The following PLPPR4 variants were observed in gnomAD, a reference collection of about 807,000 sequenced individuals.
PLPPR4 encodes phospholipid phosphatase-related protein type 4.
PLPPR4 carries 24 observed loss-of-function variants against 56.6 expected under a neutral mutation model. That is an observed-to-expected ratio of 0.42 (90% CI 0.31 to 0.60). PLPPR4 has a LOEUF of 0.60. Ranked by LOEUF, PLPPR4 falls within the 20% of genes least tolerant of loss-of-function variation. The pLI is 0.13. For missense variants in PLPPR4, 654 were observed against 885.8 expected (o/e 0.74, Z 3.32); for synonymous variants, 326 against 328.1 (o/e 0.99, Z 0.07).
chr1:99,282,243 T>G (rs1456522780), intron 1 of PLPPR4, among the ~76,000 whole-genome samples: 1 of 152,158 alleles, frequency 6.6e-6, no homozygotes, highest in African/African-American at 2.4e-5. Context: ...CCTTTATTGT[T>G]TTATCTTCTT....
chr1:99,290,779 T>C (rs1557779261), intron 2 of PLPPR4, among the ~76,000 whole-genome samples: 1 of 151,986 alleles, frequency 6.6e-6, no homozygotes, highest in Non-Finnish European at 1.5e-5. Flanking sequence ...TTACACCATA[T>C]ACAAAAATCA....
At chr1:99,303,381 C>T (rs1659935832) in intron 6 of PLPPR4, among the ~76,000 whole-genome samples, 2 of 152,000 alleles carry the variant, frequency 1.3e-5, no homozygotes, top group Non-Finnish European at 2.9e-5. Context: ...TCAATTGAAT[C>T]AATAAGCAGT....
At chr1:99,273,783 A>G (rs1387855154) in intron 1 of PLPPR4, among the ~76,000 whole-genome samples, 1 of 152,156 alleles carries the variant, frequency 6.6e-6, no homozygotes, top group Non-Finnish European at 1.5e-5. Flanking sequence ...ACTGGATGTA[A>G]TAAAATAGGA....
intron 2 of PLPPR4, among the ~76,000 whole-genome samples, chr1:99,291,545 A>C (rs1243556549): frequency 2.0e-5 from 3 of 152,342 alleles, no homozygotes; most frequent in Admixed American, 2.0e-4. Flanking sequence ...TCAATTATAG[A>C]CTGGATAAAG....
chr1:99,292,929 C>T (rs1236272995), intron 2 of PLPPR4, among the ~76,000 whole-genome samples: 1 of 152,180 alleles, frequency 6.6e-6, no homozygotes, highest in South Asian at 2.1e-4. Flanking sequence ...CTTTCCCTCT[C>T]TCTTCCTGAA....
chr1:99,297,898 A>G (rs982106217), intron 3 of PLPPR4, among the ~76,000 whole-genome samples: 1 of 152,280 alleles, frequency 6.6e-6, no homozygotes, highest in East Asian at 1.9e-4. Flanking sequence ...GACTGGAAGG[A>G]TGATCCATTC....
intron 1 of PLPPR4, among the ~76,000 whole-genome samples, chr1:99,273,729 A>T (rs1659114212): frequency 1.3e-5 from 2 of 152,150 alleles, no homozygotes; most frequent in South Asian, 4.1e-4. Flanking sequence ...TGGAATCATC[A>T]CTGGCATACT....
chr1:99,290,130 C>G (rs988403691), intron 2 of PLPPR4, among the ~76,000 whole-genome samples: 2 of 152,060 alleles, frequency 1.3e-5, no homozygotes, highest in Non-Finnish European at 2.9e-5. Flanking sequence ...AAATCACTAG[C>G]AATCCTATAC....
Position 99,306,765 on chromosome 1 carries a change from G to A in PLPPR4, c.1903G>A (p.Gly635Arg). 6.2e-7 allele frequency: 1 copy of A among 1,614,034 alleles called. No individual in the cohort carries two copies. Among genetic ancestry groups the A allele is most frequent in the Non-Finnish European group, 8.5e-7 (1 of 1,179,976 alleles). The change falls in exon 7 of 7, where the codon GGA becomes AGA. Residue 635 changes from glycine (G) to arginine (R), a missense_variant. Transcript: ENST00000370185. This position sits in a 1 kb window ranked among gnomAD's most constrained non-coding sequence, Gnocchi z 4.0. Reference protein sequence around the residue: ...CESLKDSFGSGDRKRSNIDSN... With the variant: ...CESLKDSFGSRDRKRSNIDSN... ...GTCTCTGAAAGACAGCTTTGGTTCT[G>A]GAGATCGCAAGAGAAGCAACATTGA...
chr1:99,284,235 A>G (rs1400888568), intron 1 of PLPPR4, among the ~76,000 whole-genome samples: 1 of 152,236 alleles, frequency 6.6e-6, no homozygotes, highest in Admixed American at 6.5e-5. Context: ...ATAAAAAGGT[A>G]ACTCTGAAGA....
Position 99,306,035 on chromosome 1 carries a change from G to T in PLPPR4, c.1173G>T (p.Met391Ile). Residue 391 changes from methionine to isoleucine, a missense_variant, in exon 7 of 7, where the codon ATG becomes ATT. Physicochemically the swap from Met to Ile is conservative, Grantham distance 10. Coordinates refer to ENST00000370185, the MANE Select transcript of PLPPR4 (RefSeq NM_014839.5). This position sits in a 1 kb window ranked among gnomAD's most constrained non-coding sequence, Gnocchi z 4.0. The part of the protein sequence containing the change: ...VRRNASIHAS[M>I]DSARSKQLLT... ...GAAATGCGAGCATTCATGCCTCTAT[G>T]GATTCCGCTCGATCAAAGCAGCTCC... 6.2e-7 allele frequency: 1 copy of T among 1,614,130 alleles called. No individual in the cohort carries two copies. Among genetic ancestry groups the T allele is most frequent in the South Asian group, 1.1e-5 (1 of 91,078 alleles).
chr1:99,305,827 C>T lies in PLPPR4; in HGVS notation c.965C>T (p.Ala322Val), dbSNP rs1018672290. 8.7e-6 allele frequency: 14 copies of T among 1,613,988 alleles called. No homozygotes were observed. The highest frequency in any genetic ancestry group is 2.7e-5 in the African/African-American group (2 of 74,888). Reference sequence around the variant, plus strand: ...AATGGTAGCAGCAGTGATGGAATTGCTCATACAGAAGGCATCCTCAACCGA... The same window carrying T: ...AATGGTAGCAGCAGTGATGGAATTGTTCATACAGAAGGCATCCTCAACCGA... ...AKNGSSSDGI[A>V]HTEGILNRNH... The change falls in exon 7 of 7, where the codon GCT becomes GTT. Residue 322 changes from alanine to valine, a missense_variant. This residue lies in a region of PLPPR4 where 468 missense variants were observed against 554.3 expected (regional missense o/e 0.84). Coordinates refer to ENST00000370185, the MANE Select transcript of PLPPR4 (RefSeq NM_014839.5).
chr1:99,290,857 C>T (rs914733464), intron 2 of PLPPR4, among the ~76,000 whole-genome samples: 1 of 152,060 alleles, frequency 6.6e-6, no homozygotes, highest in Admixed American at 6.6e-5. Context: ...AAAACTTAGG[C>T]AGTACCATTC....
chr1:99,290,687 T>A (rs1034234192), intron 2 of PLPPR4, among the ~76,000 whole-genome samples: 1 of 152,018 alleles, frequency 6.6e-6, no homozygotes, highest in African/African-American at 2.4e-5. Context: ...AAACAAGCAA[T>A]AGGGAAAGGA....
chr1:99,285,461 T>C (rs537329567), intron 1 of PLPPR4, among the ~76,000 whole-genome samples: 4 of 152,242 alleles, frequency 2.6e-5, no homozygotes, highest in African/African-American at 7.2e-5. Flanking sequence ...TCGTGCACTA[T>C]AGGAGAGGGA....
At chr1:99,298,365 G>A (rs1659795467) in intron 3 of PLPPR4, among the ~76,000 whole-genome samples, 2 of 152,160 alleles carry the variant, frequency 1.3e-5, no homozygotes. Flanking sequence ...GCATGTACAA[G>A]TGCAAGGATT....
At chr1:99,297,942 A>C (rs1246739967) in intron 3 of PLPPR4, among the ~76,000 whole-genome samples, 1 of 152,150 alleles carries the variant, frequency 6.6e-6, no homozygotes. Flanking sequence ...AGCCTGCATC[A>C]GCGACAGGTC....
intron 6 of PLPPR4, 53 bp downstream of exon 6, chr1:99,301,950 A>G (rs1358897348): frequency 2.2e-6 from 3 of 1,363,088 alleles, no homozygotes. Context: ...GAAAACATGC[A>G]TAGAATATTT....
intron 5 of PLPPR4, among the ~76,000 whole-genome samples, chr1:99,301,444 G>A (rs1659882287): frequency 6.6e-6 from 1 of 152,006 alleles, no homozygotes; most frequent in African/African-American, 2.4e-5. Context: ...TGAGAAAAAT[G>A]AGCGAAATTA....
Sources: allele counts gnomAD v4.1 joint callset (sites outside exome capture counted in the v4.1 genomes callset), GRCh38; gene constraint gnomAD v4.1.1; regional missense constraint gnomAD v4.1.1; non-coding constraint Gnocchi (gnomAD v3.1); transcripts MANE v1.5; gene names NCBI Gene and HGNC (gene_info 2026-07-23, HGNC 2026-07-21).